CCDC171: variants seen among roughly 807,000 people sequenced by gnomAD.
CCDC171 encodes the protein coiled-coil domain containing 171.
Under a neutral mutation model 168.2 loss-of-function variants are expected in CCDC171, and 177 were observed. The ratio of observed to expected loss-of-function variants is 1.05; its 90% CI spans 0.93 to 1.19. The LOEUF is 1.19. Ranked by LOEUF, CCDC171 falls within the 50% of genes most tolerant of loss-of-function variation. The pLI is 0.00. For missense variants in CCDC171, 1,991 were observed against 1,539.0 expected (o/e 1.29, Z -4.91); for synonymous variants, 687 against 540.8 (o/e 1.27, Z -3.75).
chr9:15,668,862 A>G (rs1030219823), intron 9 of CCDC171, among the ~76,000 whole-genome samples: 1 of 152,116 alleles, frequency 6.6e-6, no homozygotes, highest in Non-Finnish European at 1.5e-5. Context: ...TTCTGAAAAA[A>G]ATTCTGTTGT....
chr9:15,691,372 A>G (rs2050762638), intron 10 of CCDC171, among the ~76,000 whole-genome samples: 2 of 151,316 alleles, frequency 1.3e-5, no homozygotes, highest in African/African-American at 4.8e-5. Context: ...AAAATTATAG[A>G]TAGATATTTC....
the CCDC171 span, among the ~76,000 whole-genome samples, chr9:16,098,194 T>TA: frequency 2.6e-5 from 4 of 152,232 alleles, no homozygotes; most frequent in African/African-American, 9.6e-5. Flanking sequence ...CTGAGCCTTT[T>TA]TTCCCCTAAT....
At chr9:15,904,690 A>G (rs1419889223) in intron 24 of CCDC171, among the ~76,000 whole-genome samples, 3 of 152,170 alleles carry the variant, frequency 2.0e-5, no homozygotes, top group African/African-American at 4.8e-5. Flanking sequence ...TTAAATGTAA[A>G]TGGGCTAAAT....
At chr9:16,016,008 C>T (rs1231487931) in intron 3 of CCDC171, among the ~76,000 whole-genome samples, 1 of 152,100 alleles carries the variant, frequency 6.6e-6, no homozygotes, top group East Asian at 1.9e-4. Flanking sequence ...TTTCTTTATC[C>T]ATTCATTTGT....
chr9:15,915,400 CT>C (rs1384578176), intron 24 of CCDC171, among the ~76,000 whole-genome samples: 1 of 150,432 alleles, frequency 6.6e-6, no homozygotes, highest in Non-Finnish European at 1.5e-5. Flanking sequence ...GGATAGCTTT[CT>C]TGATTTTGTC....
chr9:15,912,660 T>C (rs1823874835), intron 24 of CCDC171, among the ~76,000 whole-genome samples: 1 of 152,230 alleles, frequency 6.6e-6, no homozygotes, highest in African/African-American at 2.4e-5. Flanking sequence ...TTCAGTATGA[T>C]ATTGGCTGTG....
At chr9:15,588,127 C>T (rs1039477555) in intron 4 of CCDC171, among the ~76,000 whole-genome samples, 4 of 152,014 alleles carry the variant, frequency 2.6e-5, no homozygotes, top group East Asian at 1.9e-4. Context: ...CCCAGCTACT[C>T]GGGAGGCTGA....
chr9:15,784,933 A>G (rs544455568), intron 21 of CCDC171, among the ~76,000 whole-genome samples: 22 of 152,224 alleles, frequency 1.4e-4, no homozygotes, highest in Admixed American at 9.8e-4. Flanking sequence ...TTCCAGTAAT[A>G]ATAACAATTA....
intron 11 of CCDC171, among the ~76,000 whole-genome samples, chr9:15,701,492 T>C (rs1301125639): frequency 6.6e-6 from 1 of 152,074 alleles, no homozygotes; most frequent in Non-Finnish European, 1.5e-5. Context: ...TGAAGTTTGC[T>C]CCGTCAGTTG....
intron 24 of CCDC171, among the ~76,000 whole-genome samples, chr9:15,901,344 G>T (rs1821634055): frequency 6.6e-6 from 1 of 152,084 alleles, no homozygotes; most frequent in African/African-American, 2.4e-5. Context: ...GTGGATTTTG[G>T]GTGATAGTGA....
intron 11 of CCDC171, among the ~76,000 whole-genome samples, chr9:15,700,365 G>A (rs1382455810): frequency 2.6e-5 from 4 of 152,230 alleles, no homozygotes; most frequent in African/African-American, 4.8e-5. Context: ...ACGCCCACCC[G>A]GAACTCCAGC....
intron 11 of CCDC171, among the ~76,000 whole-genome samples, chr9:15,710,628 C>T (rs2052593673): frequency 6.7e-6 from 1 of 149,944 alleles, no homozygotes; most frequent in African/African-American, 2.5e-5. Context: ...GATGGAGTCT[C>T]ACTCTTCTCC....
At chr9:15,989,412 C>A (rs1308165508) in intron 3 of CCDC171, among the ~76,000 whole-genome samples, 4 of 152,116 alleles carry the variant, frequency 2.6e-5, no homozygotes, top group Non-Finnish European at 5.9e-5. Flanking sequence ...ACATCCACAC[C>A]AAAACCACAT....
At chr9:15,980,042 A>G (rs1234639713) in intron 3 of CCDC171, among the ~76,000 whole-genome samples, 2 of 152,074 alleles carry the variant, frequency 1.3e-5, no homozygotes, top group Non-Finnish European at 2.9e-5. Context: ...AGGCTGTAGT[A>G]TTTGGCAAAA....
chr9:16,097,497 G>A, the CCDC171 span, among the ~76,000 whole-genome samples: 1 of 152,198 alleles, frequency 6.6e-6, no homozygotes, highest in Non-Finnish European at 1.5e-5. Context: ...GAGGAAGTGT[G>A]TTCAGTGAAA....
At chr9:15,858,962 A>C (rs780013687) in intron 23 of CCDC171, among the ~76,000 whole-genome samples, 3 of 152,044 alleles carry the variant, frequency 2.0e-5, no homozygotes, top group Non-Finnish European at 4.4e-5. Flanking sequence ...TACCTTGTTC[A>C]TGATTTTAGA....
chr9:15,586,520 G>A (rs890297235), intron 4 of CCDC171, among the ~76,000 whole-genome samples: 1 of 152,114 alleles, frequency 6.6e-6, no homozygotes, highest in Non-Finnish European at 1.5e-5. Flanking sequence ...TAGTCAAAAG[G>A]CTTATAAACT....
Position 15,704,649 on chromosome 9 carries a change from TCA to T in CCDC171, c.1318+9313_1318+9314del, listed in dbSNP as rs368499380. Among the ~76,000 whole-genome samples the T allele has an allele frequency of 1.4e-4, 22 of 152,346 alleles. No individual in the cohort carries two copies. In the East Asian group the frequency reaches 2.7e-3, roughly 19 times the overall value. On this transcript the variant is annotated intron_variant, in intron 11 of 25. Coordinates refer to ENST00000380701, the MANE Select transcript of CCDC171 (RefSeq NM_173550.4). Reference sequence around the variant, plus strand: ...CTTAACTTAGAGCTGGCAGAAATTCTCAGATTTTCAATTCTCTGTCTCCTTCA... The same window carrying T: ...CTTAACTTAGAGCTGGCAGAAATTCTGATTTTCAATTCTCTGTCTCCTTCA...
chr9:15,571,902 T>C lies in CCDC171; in HGVS notation c.177+143T>C, dbSNP rs959193243. 7.5e-6 allele frequency: 5 copies of C among 665,202 alleles called. No individual in the cohort carries two copies. In the African/African-American group the frequency reaches 7.7e-5, roughly 10 times the overall value. The allele number at this position is 665,202 out of a possible 1,614,324, so 41.2% of individuals were successfully genotyped here. On this transcript the variant is annotated intron_variant, in intron 3 of 25. Coordinates refer to ENST00000380701, the MANE Select transcript of CCDC171 (RefSeq NM_173550.4). ...GGAAATTGTAATAAAGGAAACATAA[T>C]TTTAAAATGTAGTGTAATTGCATAA...
Sources: gnomAD v4.1 joint callset for allele counts (sites outside exome capture counted in the v4.1 genomes callset) on GRCh38, gnomAD v4.1.1 for gene constraint, MANE v1.5 for transcripts, NCBI Gene and HGNC (gene_info 2026-07-23, HGNC 2026-07-21) for gene names.